The following EFCAB5 variants were observed in gnomAD, a reference collection of about 807,000 sequenced individuals.
The protein encoded by EFCAB5 is EF-hand calcium-binding domain-containing protein 5.
In EFCAB5, 131 loss-of-function variants were observed where a neutral mutation model predicts 167.9. That is an observed-to-expected ratio of 0.78 (90% CI 0.68 to 0.90). The LOEUF is 0.90. EFCAB5 is among the 40% of genes least tolerant of loss of function. EFCAB5 has a pLI of 0.00. For synonymous variants in EFCAB5, 574 were observed against 602.8 expected (o/e 0.95, Z 0.70); for missense variants, 1,663 against 1,745.2 (o/e 0.95, Z 0.84).
In EFCAB5 at chr17:29,961,450, T is replaced by G. The variant is rs575042817; in HGVS notation, c.191-7341T>G. On this transcript the variant is annotated intron_variant, in intron 3 of 22. Coordinates refer to ENST00000394835, the MANE Select transcript of EFCAB5 (RefSeq NM_198529.4). ...CATAATTCTTTGATGTACAAAAGTT[T>G]TTTAATTTTAAAGTATATTTTATCT... Among the ~76,000 whole-genome samples the G allele has an allele frequency of 1.0e-3, 158 of 152,334 alleles. 1 individual carries two copies. The highest frequency in any genetic ancestry group is 1.4e-3 in the Non-Finnish European group (97 of 68,018).
At chr17:29,941,965 A>G (rs2067304418) in intron 1 of EFCAB5, 127 bp downstream of exon 1, 2 of 1,103,480 alleles carry the variant, frequency 1.8e-6, no homozygotes, top group South Asian at 1.5e-5. Flanking sequence ...AGTATTCTGC[A>G]TCAGGTTTTG....
At chr17:29,985,025 C>T (rs1194497749) in intron 4 of EFCAB5, among the ~76,000 whole-genome samples, 3 of 152,160 alleles carry the variant, frequency 2.0e-5, no homozygotes, top group African/African-American at 4.8e-5. Context: ...GAAGACTTGC[C>T]TCCAACATTG....
intron 8 of EFCAB5, among the ~76,000 whole-genome samples, chr17:30,045,643 G>A (rs971137947): frequency 2.6e-5 from 4 of 151,744 alleles, no homozygotes; most frequent in Admixed American, 6.6e-5. Flanking sequence ...AGACAAGAAT[G>A]GACTGGGCAC....
intron 6 of EFCAB5, among the ~76,000 whole-genome samples, chr17:29,998,873 T>A (rs2068601373): frequency 1.3e-5 from 2 of 152,200 alleles, no homozygotes; most frequent in Non-Finnish European, 2.9e-5. Context: ...CAATAAGGAT[T>A]ACATAAATTG....
intron 4 of EFCAB5, 103 bp downstream of exon 4, chr17:29,969,470 AC>A: frequency 9.7e-7 from 1 of 1,036,142 alleles, no homozygotes. Flanking sequence ...AAGTGATTCT[AC>A]AGTTATTCAG....
intron 4 of EFCAB5, among the ~76,000 whole-genome samples, chr17:29,989,000 G>A (rs1017228420): frequency 1.3e-5 from 2 of 152,162 alleles, no homozygotes; most frequent in Admixed American, 6.5e-5. Flanking sequence ...GTTAATTGCC[G>A]AGGGTTAGTG....
At chr17:30,051,833 TCCA>T (rs1306629471) in intron 9 of EFCAB5, among the ~76,000 whole-genome samples, 8 of 152,176 alleles carry the variant, frequency 5.3e-5, no homozygotes, top group Non-Finnish European at 1.2e-4. Context: ...GCCTGGTAAT[TCCA>T]TTTTTAATGC....
chr17:29,957,144 G>A (rs142342242), intron 3 of EFCAB5, among the ~76,000 whole-genome samples: 1 of 151,964 alleles, frequency 6.6e-6, no homozygotes, highest in Non-Finnish European at 1.5e-5. Flanking sequence ...AGTGTTTTGA[G>A]GGATTTTATT....
intron 7 of EFCAB5, among the ~76,000 whole-genome samples, chr17:30,027,741 C>T (rs1353629613): frequency 6.6e-6 from 1 of 152,004 alleles, no homozygotes; most frequent in East Asian, 1.9e-4. Flanking sequence ...CTTGGTCACT[C>T]GATTTGAGGA....
chr17:30,051,940 A>T (rs756184402), intron 9 of EFCAB5, among the ~76,000 whole-genome samples: 1 of 152,028 alleles, frequency 6.6e-6, no homozygotes, highest in Non-Finnish European at 1.5e-5. Context: ...TATTTCCAAA[A>T]CAAGTACAAT....
At chr17:29,989,763 A>G (rs1248523680) in intron 4 of EFCAB5, among the ~76,000 whole-genome samples, 1 of 152,134 alleles carries the variant, frequency 6.6e-6, no homozygotes, top group African/African-American at 2.4e-5. Flanking sequence ...AAGTCCTCCA[A>G]AGCCTCCAGT....
chr17:30,075,912 T>G (rs2070859296), intron 14 of EFCAB5, among the ~76,000 whole-genome samples: 1 of 152,134 alleles, frequency 6.6e-6, no homozygotes, highest in Admixed American at 6.5e-5. Context: ...GAAGAAGAAA[T>G]GGAAGATGAA....
intron 4 of EFCAB5, among the ~76,000 whole-genome samples, chr17:29,987,619 C>T (rs1003252335): frequency 6.6e-6 from 1 of 152,092 alleles, no homozygotes; most frequent in Non-Finnish European, 1.5e-5. Flanking sequence ...TCCCATAATC[C>T]CTGTTTTCCC....
intron 7 of EFCAB5, among the ~76,000 whole-genome samples, chr17:30,013,876 T>C (rs1460121817): frequency 6.6e-6 from 1 of 152,232 alleles, no homozygotes; most frequent in Non-Finnish European, 1.5e-5. Context: ...GCTTCTCTAG[T>C]TCTTTTAATT....
chr17:29,958,011 T>C (rs1312309447), intron 3 of EFCAB5, among the ~76,000 whole-genome samples: 2 of 152,236 alleles, frequency 1.3e-5, no homozygotes, highest in Non-Finnish European at 2.9e-5. Context: ...GTGGCTTTAC[T>C]TTTTAATAAT....
chr17:30,076,548 G>A (rs1367898536), intron 14 of EFCAB5, among the ~76,000 whole-genome samples: 3 of 152,252 alleles, frequency 2.0e-5, no homozygotes, highest in Non-Finnish European at 2.9e-5. Context: ...GTCTGCGAGT[G>A]CCAGGTAGTA....
chr17:30,010,681 GT>G (rs1430097982), intron 7 of EFCAB5, among the ~76,000 whole-genome samples: 1 of 152,170 alleles, frequency 6.6e-6, no homozygotes, highest in Non-Finnish European at 1.5e-5. Context: ...ATTTGTTTAA[GT>G]TTTTTGTAGA....
At chr17:30,069,718 A>AC (rs2070680709) in intron 14 of EFCAB5, 1 of 1,025,826 alleles carries the variant, frequency 9.7e-7, no homozygotes, top group East Asian at 2.6e-5. Flanking sequence ...AGTCTCATGT[A>AC]CCCCCGGTGC....
rs564754513 is a variant in EFCAB5 at position 30,095,271 on chromosome 17, A to T, written c.4321+2335A>T. 9.2e-5 allele frequency among the ~76,000 whole-genome samples: 14 copies of T among 152,302 alleles called. 1 individual carries two copies. The South Asian group carries it at 2.7e-3, about 29-fold the overall frequency. On this transcript the variant is annotated intron_variant, in intron 22 of 22. Coordinates refer to ENST00000394835, the MANE Select transcript of EFCAB5 (RefSeq NM_198529.4). ...TCCAAGTGTTTACAAGTCCACAGAC[A>T]TTGGTCTTGGCAGGAGTGCCCCCGG... is the stretch of plus-strand genomic sequence containing the variant.
Sources: gnomAD v4.1 joint callset for allele counts (sites outside exome capture counted in the v4.1 genomes callset) on GRCh38, gnomAD v4.1.1 for gene constraint, MANE v1.5 for transcripts, NCBI Gene and HGNC (gene_info 2026-07-23, HGNC 2026-07-21) for gene names.